Variants in TEAD3 observed in about 807,000 individuals in gnomAD.
TEAD3 encodes transcriptional enhancer factor TEF-5.
TEAD3 carries 15 observed loss-of-function variants against 55.6 expected under a neutral mutation model. That is an observed-to-expected ratio of 0.27 (90% CI 0.18 to 0.42). TEAD3 has a LOEUF of 0.42. Ranked by LOEUF, TEAD3 falls within the 10% of genes least tolerant of loss-of-function variation. The pLI, the probability that TEAD3 is intolerant of heterozygous loss-of-function variation, is 1.00. For missense variants in TEAD3, 407 were observed against 576.8 expected (o/e 0.71, Z 3.01); for synonymous variants, 210 against 232.2 (o/e 0.90, Z 0.87).
Position 35,485,333 on chromosome 6 carries a change from G to A in TEAD3, c.203-709C>T, listed in dbSNP as rs577293803. ...GAGCCTTGTGAGCCTTGGGGTGCGG[G>A]GTCTGTTCTGCACCACAGACCCTCT... On this transcript the variant is annotated intron_variant, in intron 2 of 12. Transcript: ENST00000639578. The surrounding 1 kb of genome is among the most constrained non-coding windows in gnomAD (Gnocchi z 4.3). Among the ~76,000 whole-genome samples, 8 of 151,850 alleles carry A rather than the reference G, an allele frequency of 5.3e-5. No individual in the cohort carries two copies. The East Asian group carries it at 1.2e-3, about 22-fold the overall frequency.
At position 35,483,378 on chromosome 6, in the gene TEAD3, T is replaced by C. The variant is rs536544930; in HGVS notation, c.267+1182A>G. On this transcript the variant is annotated intron_variant, in intron 3 of 12. Coordinates refer to ENST00000639578, the Ensembl canonical transcript of TEAD3. The surrounding 1 kb of genome is among the most constrained non-coding windows in gnomAD (Gnocchi z 4.5). ...GTGTGAGGGTAGCACTGGCCTCCAT[T>C]CCTCCAGGTCCCGCCTCCAGCCTGG... is the stretch of plus-strand genomic sequence containing the variant. 6.6e-6 allele frequency among the ~76,000 whole-genome samples: 1 copy of C among 152,152 alleles called. No homozygotes were observed. Among genetic ancestry groups the C allele is most frequent in the East Asian group, 1.9e-4 (1 of 5,178 alleles).
chr6:35,481,160 T>C (rs1409673205), intron 3 of TEAD3, among the ~76,000 whole-genome samples: 1 of 151,978 alleles, frequency 6.6e-6, no homozygotes, highest in Non-Finnish European at 1.5e-5. Context: ...AATTCTTCTC[T>C]AGCCATCTCC....
intron 6 of TEAD3, 47 bp from the exon 7 acceptor site, chr6:35,478,371 C>A: frequency 6.2e-7 from 1 of 1,613,710 alleles, no homozygotes; most frequent in Non-Finnish European, 8.5e-7. Context: ...ATCCATGAAC[C>A]CCACTAAAGC....
rs570431876 is a variant in TEAD3, at chr6:35,491,151, G to C, written c.-49-4440C>G. 6.6e-6 allele frequency among the ~76,000 whole-genome samples: 1 copy of C among 152,010 alleles called. No homozygotes were observed. Among genetic ancestry groups the C allele is most frequent in the South Asian group, 2.1e-4 (1 of 4,820 alleles). On this transcript the variant is annotated intron_variant, in intron 1 of 12. Transcript: ENST00000639578. This position sits in a 1 kb window ranked among gnomAD's most constrained non-coding sequence, Gnocchi z 4.4. Reference sequence around the variant, plus strand: ...TGACAGACAGAAAGCCCAACCCAGTGGGGGACAGACCAGAGCCCCGCAGAG... The same window carrying C: ...TGACAGACAGAAAGCCCAACCCAGTCGGGGACAGACCAGAGCCCCGCAGAG...
chr6:35,487,726 A>C (rs573844176), intron 1 of TEAD3, among the ~76,000 whole-genome samples: 138 of 152,152 alleles, frequency 9.1e-4, no homozygotes, highest in African/African-American at 2.4e-3. Context: ...TGTCTCAAAA[A>C]AAAACAAAAC....
In TEAD3 at chr6:35,486,530, C is replaced by T. The variant is rs1768385321; in HGVS notation, c.133G>A (p.Glu45Lys). 1 of 1,613,674 alleles carries T rather than the reference C, an allele frequency of 6.2e-7. No individual in the cohort carries two copies. Among genetic ancestry groups the T allele is most frequent in the Non-Finnish European group, 8.5e-7 (1 of 1,179,798 alleles). ...CAGGGCGGGTAGATGGCCAGGGCCT[C>T]CTGGAAGCTCTGCTCGATGTCCGGG... Residue 45 changes from glutamate (E) to lysine (K), a missense_variant, in exon 2 of 13, where the codon GAG becomes AAG. Glu to Lys is a moderately conservative substitution (Grantham distance 56). Coordinates refer to ENST00000639578, the Ensembl canonical transcript of TEAD3. The surrounding 1 kb of genome is among the most constrained non-coding windows in gnomAD (Gnocchi z 7.3).
chr6:35,480,467 C>T (rs1180705256), intron 3 of TEAD3, 93 bp from the exon 4 acceptor site: 15 of 1,326,568 alleles, frequency 1.1e-5, no homozygotes, highest in South Asian at 8.6e-5. Flanking sequence ...CATCCCAGAC[C>T]TCTCATCTCT....
chr6:35,475,486 A>G lies in TEAD3; in HGVS notation c.1044T>C (p.Thr348=). The change falls in exon 12 of 13, where the codon ACT becomes ACC. Residue 348 remains threonine, a splice_region_variant and synonymous_variant. Coordinates refer to ENST00000639578, the Ensembl canonical transcript of TEAD3. The surrounding 1 kb of genome is among the most constrained non-coding windows in gnomAD (Gnocchi z 5.4). The stretch of plus-strand genomic sequence containing the variant: ...GCCCGTTCTCCAGCCTGGCATACTC[A>G]GTCTGCAGAGAATATGGAGAAGGCG... 1 of 1,611,772 alleles carries G rather than the reference A, an allele frequency of 6.2e-7. No homozygotes were observed. Among genetic ancestry groups the G allele is most frequent in the Admixed American group, 1.7e-5 (1 of 59,972 alleles).
chr6:35,475,581 C>G lies in TEAD3; in HGVS notation c.1026G>C (p.Val342=). ...CCCCACTCACCTCCACCTTCTCTAC[C>G]ACCTGTTTGCCAAAGGAGCACACCT... The change falls in exon 11 of 13, where the codon GTG becomes GTC. Residue 342 remains valine, a synonymous_variant. Coordinates refer to ENST00000639578, the Ensembl canonical transcript of TEAD3. The surrounding 1 kb of genome is among the most constrained non-coding windows in gnomAD (Gnocchi z 5.4). The G allele has an allele frequency of 2.5e-6, 4 of 1,611,218 alleles. No individual in the cohort carries two copies. The highest frequency in any genetic ancestry group is 2.5e-6 in the Non-Finnish European group (3 of 1,178,150).
At chr6:35,481,704 T>C (rs1162754489) in intron 3 of TEAD3, among the ~76,000 whole-genome samples, 1 of 152,212 alleles carries the variant, frequency 6.6e-6, no homozygotes, top group Non-Finnish European at 1.5e-5. Flanking sequence ...GGTTAAGCTG[T>C]CACACGGCTG....
rs1768439639 is a variant in TEAD3, at chr6:35,488,759, T to TTTTTTAGACGGA, written c.-49-2049_-49-2048insTCCGTCTAAAAA. Among the ~76,000 whole-genome samples, 1 of 152,214 alleles carries TTTTTTAGACGGA rather than the reference T, an allele frequency of 6.6e-6. No homozygotes were observed. The highest frequency in any genetic ancestry group is 1.5e-5 in the Non-Finnish European group (1 of 68,036). The stretch of plus-strand genomic sequence containing the variant: ...TTATTTTTTAGACGGAGTCTTGCTC[T>TTTTTTAGACGGA]GTCGCCCAGGCTAGAGTGCAATGGC... On this transcript the variant is annotated intron_variant, in intron 1 of 12. Coordinates refer to ENST00000639578, the Ensembl canonical transcript of TEAD3. The surrounding 1 kb of genome is among the most constrained non-coding windows in gnomAD (Gnocchi z 4.2).
In TEAD3 at chr6:35,494,671, C is replaced by G. The variant is rs779614674; in HGVS notation, c.-50+2227G>C. On this transcript the variant is annotated intron_variant, in intron 1 of 12. Coordinates refer to ENST00000639578, the Ensembl canonical transcript of TEAD3. ...CCTGGGCTCCTCTCCCCATCCTGGG[C>G]GGGGAGGAGGAGGAGGGCAGGACCA... 2.6e-5 allele frequency among the ~76,000 whole-genome samples: 4 copies of G among 152,218 alleles called. No individual in the cohort carries two copies. The South Asian group carries it at 6.2e-4, about 24-fold the overall frequency.
chr6:35,478,440 G>C (rs1373602475), exon 6 of TEAD3: 17 of 1,613,610 alleles, frequency 1.1e-5, no homozygotes, highest in Non-Finnish European at 1.4e-5. Context: ...GTACCCGCGA[G>C]GAAGTGGAGA....
At chr6:35,489,119 T>C (rs901228984) in intron 1 of TEAD3, among the ~76,000 whole-genome samples, 78 of 152,354 alleles carry the variant, frequency 5.1e-4, no homozygotes, top group African/African-American at 1.6e-3. Flanking sequence ...ATTGTAATTA[T>C]TCTAAACTAT....
rs542143993 is a variant in TEAD3 at position 35,488,801 on chromosome 6, G to T, written c.-49-2090C>A. Among the ~76,000 whole-genome samples the T allele has an allele frequency of 2.0e-5, 3 of 152,034 alleles. No homozygotes were observed. Among genetic ancestry groups the T allele is most frequent in the East Asian group, 1.9e-4 (1 of 5,184 alleles). The stretch of plus-strand genomic sequence containing the variant: ...TGCAATGGCGCGATCTCTGCTCACC[G>T]CAACCTCCACCTCCTGGGTTCAAGC... On this transcript the variant is annotated intron_variant, in intron 1 of 12. Coordinates refer to ENST00000639578, the Ensembl canonical transcript of TEAD3. This position sits in a 1 kb window ranked among gnomAD's most constrained non-coding sequence, Gnocchi z 4.2.
Position 35,485,113 on chromosome 6 carries a change from G to A in TEAD3, c.203-489C>T, listed in dbSNP as rs149972861. On this transcript the variant is annotated intron_variant, in intron 2 of 12. Transcript: ENST00000639578. This position sits in a 1 kb window ranked among gnomAD's most constrained non-coding sequence, Gnocchi z 4.3. ...TGCCCCAGGTGGATGTCCTGCCCTT[G>A]CTCTGTCTTTACCCTGGTCAAGTCC... is the stretch of plus-strand genomic sequence containing the variant. 1.1e-4 allele frequency among the ~76,000 whole-genome samples: 17 copies of A among 152,310 alleles called. No individual in the cohort carries two copies. The South Asian group carries it at 1.9e-3, about 17-fold the overall frequency.
chr6:35,479,227 A>T (rs1768216998), intron 5 of TEAD3, 78 bp downstream of exon 5: 1 of 1,575,240 alleles, frequency 6.3e-7, no homozygotes, highest in Non-Finnish European at 8.7e-7. Context: ...TTGGTTTCAT[A>T]ATCTGTCATT....
chr6:35,485,721 G>GGCCCCCAA lies in TEAD3; in HGVS notation c.202+739_202+740insTTGGGGGC, dbSNP rs1425494550. Among the ~76,000 whole-genome samples, 1 of 152,216 alleles carries GGCCCCCAA rather than the reference G, an allele frequency of 6.6e-6. No individual in the cohort carries two copies. The highest frequency in any genetic ancestry group is 2.4e-5 in the African/African-American group (1 of 41,458). ...GCCCCCAAGGTGGGGCTCTGGGGCT[G>GGCCCCCAA]GGTGGGCGTGGCCAAGGGACACGGA... is the stretch of plus-strand genomic sequence containing the variant. On this transcript the variant is annotated intron_variant, in intron 2 of 12. Coordinates refer to ENST00000639578, the Ensembl canonical transcript of TEAD3. This position sits in a 1 kb window ranked among gnomAD's most constrained non-coding sequence, Gnocchi z 4.3.
intron 5 of TEAD3, among the ~76,000 whole-genome samples, chr6:35,478,904 G>C (rs1005268613): frequency 7.2e-6 from 1 of 139,706 alleles, no homozygotes; most frequent in Non-Finnish European, 1.5e-5. Flanking sequence ...TTTTGAGACG[G>C]AGTCTCGCTC....
Sources: allele counts gnomAD v4.1 joint callset (sites outside exome capture counted in the v4.1 genomes callset), GRCh38; gene constraint gnomAD v4.1.1; non-coding constraint Gnocchi (gnomAD v3.1); transcripts MANE v1.5; gene names NCBI Gene and HGNC (gene_info 2026-07-23, HGNC 2026-07-21).